SUPT3H: variants seen among roughly 807,000 people sequenced by gnomAD.
SUPT3H encodes SPT3 homolog, SAGA and STAGA complex component.
In SUPT3H, 44 loss-of-function variants were observed where a neutral mutation model predicts 44.3. The ratio of observed to expected loss-of-function variants is 0.99; its 90% CI spans 0.78 to 1.28. The LOEUF is 1.28. SUPT3H is among the 50% of genes most tolerant of loss of function. The pLI is 0.00. For synonymous variants in SUPT3H, 124 were observed against 125.6 expected, an observed-to-expected ratio of 0.99 and a Z score of 0.09; for missense variants, 380 against 387.1, an observed-to-expected ratio of 0.98 and a Z score of 0.15.
At chr6:44,964,322 G>C (rs563287483) in intron 6 of SUPT3H, among the ~76,000 whole-genome samples, 1 of 152,196 alleles carries the variant, frequency 6.6e-6, no homozygotes, top group South Asian at 2.1e-4. Flanking sequence ...CAGCTTGGTA[G>C]CCTCCTCCAA....
chr6:45,201,404 G>A (rs1762435129), intron 2 of SUPT3H, among the ~76,000 whole-genome samples: 1 of 151,580 alleles, frequency 6.6e-6, no homozygotes, highest in Admixed American at 6.6e-5. Flanking sequence ...GTAAAATACA[G>A]GAAGTCACAC....
At chr6:45,087,766 C>CGAA (rs1796653812) in intron 3 of SUPT3H, among the ~76,000 whole-genome samples, 1 of 151,832 alleles carries the variant, frequency 6.6e-6, no homozygotes, top group African/African-American at 2.4e-5. Flanking sequence ...CTCTGTTTCA[C>CGAA]CTCCCTCAAA....
intron 2 of SUPT3H, among the ~76,000 whole-genome samples, chr6:45,351,821 C>T (rs1431328016): frequency 6.6e-6 from 1 of 152,244 alleles, no homozygotes; most frequent in East Asian, 1.9e-4. Context: ...AATTATCTTT[C>T]TTTCCCAGCC....
chr6:45,181,482 A>G (rs1031821300), intron 2 of SUPT3H, among the ~76,000 whole-genome samples: 1 of 152,026 alleles, frequency 6.6e-6, no homozygotes, highest in Non-Finnish European at 1.5e-5. Flanking sequence ...TCCAACAATG[A>G]TAGACTGGAT....
At chr6:45,210,763 T>C (rs758676203) in intron 2 of SUPT3H, among the ~76,000 whole-genome samples, 4 of 152,186 alleles carry the variant, frequency 2.6e-5, no homozygotes, top group South Asian at 2.1e-4. Context: ...AACTATAGTA[T>C]AGGGTAAATG....
Position 44,932,701 on chromosome 6 carries a change from C to T in SUPT3H, c.864G>A (p.Glu288=), listed in dbSNP as rs1770781972. The T allele has an allele frequency of 1.9e-6, 3 of 1,611,776 alleles. No individual in the cohort carries two copies. The highest frequency in any genetic ancestry group is 2.2e-5 in the East Asian group (1 of 44,618). The change falls in exon 10 of 11, where the codon GAG becomes GAA. Residue 288 remains glutamate (E), a synonymous_variant. Transcript: ENST00000371459. ...TCCTGTGGCTGTAGCGTCGAATGGC[C>T]TCTCTGATGTGGCAGGGCTGGATGG... ...SDAIQPCHIR[E]AIRRYSHRIG...
At chr6:44,897,019 A>G (rs1764217155) in intron 10 of SUPT3H, among the ~76,000 whole-genome samples, 1 of 152,238 alleles carries the variant, frequency 6.6e-6, no homozygotes, top group Non-Finnish European at 1.5e-5. Context: ...TGTTAGTTTT[A>G]AAATCACAGA....
At chr6:44,908,148 T>C (rs900223461) in intron 10 of SUPT3H, among the ~76,000 whole-genome samples, 4 of 147,148 alleles carry the variant, frequency 2.7e-5, no homozygotes, top group Admixed American at 7.1e-5. Context: ...AACTTTTTTT[T>C]CTTTTCTTTT....
chr6:44,838,535 T>C lies in SUPT3H; in HGVS notation c.913-8678A>G, dbSNP rs141722712. Among the ~76,000 whole-genome samples the C allele has an allele frequency of 5.3e-5, 8 of 152,072 alleles. No individual in the cohort carries two copies. In the East Asian group the frequency reaches 1.5e-3, roughly 29 times the overall value. ...ATGGGTTCAGGGGACAAAAAAGTGT[T>C]TTAAGTAAGGCCAAGAGGAGAGAGA... On this transcript the variant is annotated intron_variant, in intron 10 of 10. Coordinates refer to ENST00000371459, the MANE Select transcript of SUPT3H (RefSeq NM_003599.4).
intron 2 of SUPT3H, among the ~76,000 whole-genome samples, chr6:45,288,200 C>T (rs1477949971): frequency 1.3e-5 from 2 of 152,020 alleles, no homozygotes; most frequent in African/African-American, 4.8e-5. Flanking sequence ...ATATCAAATC[C>T]ATTCCACCTC....
chr6:45,345,691 C>T (rs1790708930), intron 2 of SUPT3H, among the ~76,000 whole-genome samples: 1 of 152,144 alleles, frequency 6.6e-6, no homozygotes, highest in East Asian at 1.9e-4. Context: ...TAGGTCTTTC[C>T]ACAGCCAACT....
intron 10 of SUPT3H, among the ~76,000 whole-genome samples, chr6:44,883,823 GAAT>G (rs1295536960): frequency 1.3e-5 from 2 of 152,140 alleles, no homozygotes; most frequent in Admixed American, 6.5e-5. Context: ...GCCATATGCA[GAAT>G]AATGAAACTG....
At chr6:44,901,516 G>A (rs1283612210) in intron 10 of SUPT3H, among the ~76,000 whole-genome samples, 11 of 151,994 alleles carry the variant, frequency 7.2e-5, no homozygotes, top group Non-Finnish European at 1.3e-4. Context: ...AGAAATATGG[G>A]ACTATGTGAA....
intron 2 of SUPT3H, among the ~76,000 whole-genome samples, chr6:45,206,120 C>G (rs6458425): frequency 0.59 from 89,319 of 151,992 alleles, 27,110 homozygotes; most frequent in African/African-American, 0.75. Context: ...AAGCACCTAC[C>G]ATGTGTGAGA....
chr6:44,862,464 G>A (rs1774810015), intron 10 of SUPT3H, among the ~76,000 whole-genome samples: 2 of 151,852 alleles, frequency 1.3e-5, no homozygotes, highest in South Asian at 2.1e-4. Flanking sequence ...ATCACCTGTG[G>A]TCAGGAGTTT....
intron 4 of SUPT3H, among the ~76,000 whole-genome samples, chr6:45,015,543 C>T (rs1784120917): frequency 1.3e-5 from 2 of 151,974 alleles, no homozygotes; most frequent in South Asian, 4.1e-4. Context: ...TTAGGCTACA[C>T]TACATTTAAA....
chr6:45,371,375 C>T (rs1346358569), intron 1 of SUPT3H, among the ~76,000 whole-genome samples: 1 of 149,918 alleles, frequency 6.7e-6, no homozygotes, highest in Non-Finnish European at 1.5e-5. Flanking sequence ...ATAAAGGGTA[C>T]TTCACCAGTA....
intron 2 of SUPT3H, among the ~76,000 whole-genome samples, chr6:45,206,551 A>G (rs1763249747): frequency 6.6e-6 from 1 of 152,188 alleles, no homozygotes; most frequent in Non-Finnish European, 1.5e-5. Flanking sequence ...AAGTAAAAAA[A>G]AAATCTAATT....
downstream of SUPT3H, among the ~76,000 whole-genome samples, chr6:44,824,981 A>T (rs9395049): frequency 6.6e-6 from 1 of 152,012 alleles, no homozygotes; most frequent in Admixed American, 6.6e-5. Flanking sequence ...GGGCATTGCC[A>T]TATGTACTTT....
Sources: allele counts gnomAD v4.1 joint callset (sites outside exome capture counted in the v4.1 genomes callset), GRCh38; gene constraint gnomAD v4.1.1; transcripts MANE v1.5; gene names NCBI Gene and HGNC (gene_info 2026-07-23, HGNC 2026-07-21).